The following FOCAD variants were observed in gnomAD, a reference collection of about 807,000 sequenced individuals.
FOCAD encodes the protein KIAA1797.
In FOCAD, 198 loss-of-function variants were observed where a neutral mutation model predicts 225.6. That is an observed-to-expected ratio of 0.88 (90% confidence interval 0.78 to 0.99). The LOEUF is 0.99. Among genes scored for constraint, FOCAD ranks in the 50% least tolerant of loss-of-function variants. FOCAD has a pLI of 0.00. For missense variants in FOCAD, 2,713 were observed against 2,123.6 expected (o/e 1.28, Z -5.46); for synonymous variants, 897 against 755.0 (o/e 1.19, Z -3.08).
intron 1 of FOCAD, among the ~76,000 whole-genome samples, chr9:20,685,993 T>C (rs533947777): frequency 3.3e-4 from 50 of 152,274 alleles, no homozygotes; most frequent in African/African-American, 1.1e-3. Flanking sequence ...TTGGCCTTTT[T>C]CCCCGTTTAA....
At chr9:20,920,861 C>G (rs1393495257) in intron 24 of FOCAD, among the ~76,000 whole-genome samples, 1 of 150,584 alleles carries the variant, frequency 6.6e-6, no homozygotes, top group African/African-American at 2.4e-5. Flanking sequence ...ATACCTAATG[C>G]TAAATGACGA....
chr9:20,937,126 T>C (rs1396216906), intron 28 of FOCAD, among the ~76,000 whole-genome samples: 1 of 150,288 alleles, frequency 6.7e-6, no homozygotes, highest in African/African-American at 2.5e-5. Flanking sequence ...GTAGGAAGAA[T>C]CAATATCGTG....
At chr9:20,696,672 G>C (rs1823395308) in intron 1 of FOCAD, among the ~76,000 whole-genome samples, 1 of 152,168 alleles carries the variant, frequency 6.6e-6, no homozygotes, top group Admixed American at 6.5e-5. Flanking sequence ...GGGCATGGTG[G>C]CGCAAGCCTG....
rs138884417 is a variant in FOCAD at position 20,797,461 on chromosome 9, T to C, written c.1455+7853T>C. Reference sequence around the variant, plus strand: ...TTCCTACCCATGAGCATGGAATGTTTTTCCATTTGTTTGTATCCTCTTTTA... The same window carrying C: ...TTCCTACCCATGAGCATGGAATGTTCTTCCATTTGTTTGTATCCTCTTTTA... On this transcript the variant is annotated intron_variant, in intron 11 of 43. Coordinates refer to ENST00000338382, the MANE Select transcript of FOCAD (RefSeq NM_001375567.1). Among the ~76,000 whole-genome samples, 271 of 152,236 alleles carry C rather than the reference T, an allele frequency of 1.8e-3. 2 individuals are homozygous for C. The East Asian group carries it at 0.043, about 24-fold the overall frequency.
At chr9:20,959,150 C>G (rs1587721458) in intron 35 of FOCAD, among the ~76,000 whole-genome samples, 1 of 152,164 alleles carries the variant, frequency 6.6e-6, no homozygotes, top group South Asian at 2.1e-4. Flanking sequence ...TACATTCCCA[C>G]CAACAGTGAA....
chr9:20,809,603 A>T (rs548382604), intron 11 of FOCAD, among the ~76,000 whole-genome samples: 3 of 152,258 alleles, frequency 2.0e-5, no homozygotes, highest in Admixed American at 2.0e-4. Flanking sequence ...GACTATCTTA[A>T]AATGTTTCCT....
chr9:20,876,892 A>AC (rs1273197797), intron 19 of FOCAD, among the ~76,000 whole-genome samples: 1 of 152,228 alleles, frequency 6.6e-6, no homozygotes. Context: ...TCAAATGAAC[A>AC]CAAAAGCAGC....
intron 8 of FOCAD, among the ~76,000 whole-genome samples, chr9:20,771,976 A>C (rs1344982834): frequency 1.3e-5 from 2 of 152,124 alleles, no homozygotes; most frequent in East Asian, 3.9e-4. Context: ...AACCTTAATG[A>C]CTTCCTTACT....
intron 11 of FOCAD, among the ~76,000 whole-genome samples, chr9:20,803,106 G>GA (rs1822022779): frequency 6.6e-6 from 1 of 152,046 alleles, no homozygotes. Flanking sequence ...TTTAATGTTA[G>GA]AGGTGCAGCT....
chr9:20,818,496 C>G (rs1000203408), intron 11 of FOCAD, among the ~76,000 whole-genome samples: 4 of 151,970 alleles, frequency 2.6e-5, no homozygotes, highest in Non-Finnish European at 5.9e-5. Context: ...ATAGTTTTAG[C>G]TCGTACATTT....
chr9:20,776,744 A>T (rs12551126), intron 8 of FOCAD, among the ~76,000 whole-genome samples: 1 of 152,014 alleles, frequency 6.6e-6, no homozygotes, highest in Admixed American at 6.5e-5. Flanking sequence ...TGTGTGAAAA[A>T]GGCTTTCCAA....
intron 1 of FOCAD, among the ~76,000 whole-genome samples, chr9:20,712,876 G>T (rs1402493325): frequency 6.6e-6 from 1 of 151,482 alleles, no homozygotes; most frequent in Non-Finnish European, 1.5e-5. Flanking sequence ...GGGATTATAG[G>T]TGCACACCAC....
chr9:20,830,704 G>A (rs1438483702), intron 15 of FOCAD, among the ~76,000 whole-genome samples: 1 of 152,046 alleles, frequency 6.6e-6, no homozygotes, highest in Admixed American at 6.6e-5. Flanking sequence ...TCGAGATGGG[G>A]TCTTGCTCTG....
In FOCAD at chr9:20,967,217, C is replaced by T. The variant is rs76356185; in HGVS notation, c.4133-9203C>T. Among the ~76,000 whole-genome samples the T allele has an allele frequency of 4.9e-3, 750 of 152,130 alleles. 6 individuals carry two copies. The highest frequency in any genetic ancestry group is 0.017 in the African/African-American group (709 of 41,508). ...TCTCTTTAGCATATTCTAAACTTTT[C>T]GGTGTATAAGTCTTTACCCTTGGTG... On this transcript the variant is annotated intron_variant, in intron 35 of 43. Coordinates refer to ENST00000338382, the MANE Select transcript of FOCAD (RefSeq NM_001375567.1).
chr9:20,978,000 G>C (rs1199225070), intron 36 of FOCAD, among the ~76,000 whole-genome samples: 1 of 152,154 alleles, frequency 6.6e-6, no homozygotes, highest in Non-Finnish European at 1.5e-5. Context: ...CTGCATATGA[G>C]ATGGAGAGAA....
Position 20,724,104 on chromosome 9 carries a change from T to A in FOCAD, c.287+3570T>A, listed in dbSNP as rs567672010. ...TCATAAGGGATCTGCCTCCCGTAATTCATTCACCCCCTACCAGGCCTCATC... is the reference window on the plus strand; with the variant it reads ...TCATAAGGGATCTGCCTCCCGTAATACATTCACCCCCTACCAGGCCTCATC... On this transcript the variant is annotated intron_variant, in intron 4 of 43. Transcript: ENST00000338382. 3.3e-5 allele frequency among the ~76,000 whole-genome samples: 5 copies of A among 152,308 alleles called. No homozygotes were observed. The East Asian group carries it at 9.6e-4, about 29-fold the overall frequency.
At chr9:20,799,210 G>A (rs1000315441) in intron 11 of FOCAD, among the ~76,000 whole-genome samples, 4 of 152,186 alleles carry the variant, frequency 2.6e-5, no homozygotes, top group Non-Finnish European at 4.4e-5. Flanking sequence ...TGGTCTGAGC[G>A]ACAGTTTGTT....
intron 21 of FOCAD, among the ~76,000 whole-genome samples, chr9:20,901,240 A>G (rs1409344101): frequency 1.4e-5 from 2 of 145,730 alleles, no homozygotes; most frequent in Admixed American, 6.9e-5. Context: ...GTGTCTCATA[A>G]AGCTAAATGT....
intron 4 of FOCAD, among the ~76,000 whole-genome samples, chr9:20,724,111 C>A (rs1826009052): frequency 6.6e-6 from 1 of 152,172 alleles, no homozygotes; most frequent in Admixed American, 6.5e-5. Flanking sequence ...AATTCATTCA[C>A]CCCCTACCAG....
Sources: allele counts gnomAD v4.1 joint callset (sites outside exome capture counted in the v4.1 genomes callset), GRCh38; gene constraint gnomAD v4.1.1; transcripts MANE v1.5; gene names NCBI Gene and HGNC (gene_info 2026-07-23, HGNC 2026-07-21).